ZNF547: variants seen among roughly 807,000 people sequenced by gnomAD.
ZNF547 encodes the protein zinc finger protein 547.
In ZNF547, 4 loss-of-function variants were observed where a neutral mutation model predicts 7.7. The observed-to-expected ratio is 0.52, with a 90% confidence interval of 0.26 to 1.20. ZNF547 has a LOEUF of 1.20. Ranked by LOEUF, ZNF547 falls within the 50% of genes most tolerant of loss-of-function variation. ZNF547 has a pLI of 0.14. For synonymous variants in ZNF547, 166 were observed against 166.2 expected, an observed-to-expected ratio of 1.00 and a Z score of 0.01; for missense variants, 449 against 485.8, an observed-to-expected ratio of 0.92 and a Z score of 0.71.
rs778205682 is a variant in ZNF547, at chr19:57,368,583, A to C, written c.24+4A>C. 2.5e-6 allele frequency: 4 copies of C among 1,613,890 alleles called. No individual in the cohort carries two copies. In the African/African-American group the frequency reaches 5.3e-5, roughly 22 times the overall value. On this transcript the variant is annotated splice_donor_region_variant and intron_variant, in intron 2 of 3. Coordinates refer to ENST00000282282, the MANE Select transcript of ZNF547 (RefSeq NM_173631.4). The stretch of plus-strand genomic sequence containing the variant: ...GGCAGAAATGAACCCTGCACAGGTG[A>C]GTGGAGTGTTTTCTACCTTTCACCT...
At position 57,378,992 on chromosome 19, in the gene ZNF547, T is replaced by A. The variant is rs8100747; in HGVS notation, c.*807T>A. 6.0e-6 allele frequency: 1 copy of A among 166,396 alleles called. No homozygotes were observed. The highest frequency in any genetic ancestry group is 1.3e-5 in the Non-Finnish European group (1 of 76,618). The allele number at this position is 166,396 out of a possible 1,614,324, so 10.3% of individuals were successfully genotyped here. A position where few individuals can be genotyped will look rare whatever the true frequency, so the allele number is the denominator to read the frequency against. On this transcript the variant is annotated 3_prime_UTR_variant, in exon 4 of 4. Coordinates refer to ENST00000282282, the MANE Select transcript of ZNF547 (RefSeq NM_173631.4). ...TTAGGATAATATCCTCAAAGTTCATTCATTTTTTAGCATGTGTCAGAAATT... is the reference window on the plus strand; with the variant it reads ...TTAGGATAATATCCTCAAAGTTCATACATTTTTTAGCATGTGTCAGAAATT...
chr19:57,374,004 A>T (rs1200415671), intron 3 of ZNF547, among the ~76,000 whole-genome samples: 1 of 152,010 alleles, frequency 6.6e-6, no homozygotes, highest in Non-Finnish European at 1.5e-5. Context: ...CCCAGTAGGG[A>T]GTCTGTGTGG....
At chr19:57,373,327 A>G (rs2088517792) in intron 3 of ZNF547, among the ~76,000 whole-genome samples, 1 of 152,114 alleles carries the variant, frequency 6.6e-6, no homozygotes, top group African/African-American at 2.4e-5. Flanking sequence ...CCCATGATTC[A>G]GTTCTGTCCA....
chr19:57,375,314 C>T (rs2088529193), intron 3 of ZNF547, among the ~76,000 whole-genome samples: 1 of 152,084 alleles, frequency 6.6e-6, no homozygotes, highest in African/African-American at 2.4e-5. Context: ...CGTGCCACTG[C>T]ACTCCAGCCT....
In ZNF547 at chr19:57,368,530, C is replaced by T. The variant is rs2088484870; in HGVS notation, c.-12-14C>T. 2.5e-6 allele frequency: 4 copies of T among 1,614,044 alleles called. No individual in the cohort carries two copies. Among genetic ancestry groups the T allele is most frequent in the Non-Finnish European group, 2.5e-6 (3 of 1,179,926 alleles). Reference sequence around the variant, plus strand: ...CATCGTTGCCCATTTCTCACGGTTTCCCTCTTCCTTCAGGGTCCCCTGGCG... The same window carrying T: ...CATCGTTGCCCATTTCTCACGGTTTTCCTCTTCCTTCAGGGTCCCCTGGCG... On this transcript the variant is annotated splice_polypyrimidine_tract_variant and intron_variant, in intron 1 of 3. Coordinates refer to ENST00000282282, the MANE Select transcript of ZNF547 (RefSeq NM_173631.4).
At chr19:57,375,230 A>G (rs1384523988) in intron 3 of ZNF547, among the ~76,000 whole-genome samples, 3 of 151,998 alleles carry the variant, frequency 2.0e-5, no homozygotes, top group Non-Finnish European at 4.4e-5. Context: ...GGTGCCTGTA[A>G]TCCTAGCTAC....
chr19:57,364,440 T>TCTCGGTGGTCGCTGTA, intron 1 of ZNF547: 1 of 282,546 alleles, frequency 3.5e-6, no homozygotes, highest in Non-Finnish European at 6.9e-6. Context: ...CTGGTGTAGA[T>TCTCGGTGGTCGCTGTA]TCTTCAAAAG....
intron 1 of ZNF547, chr19:57,365,450 T>C (rs1568523918): frequency 3.7e-6 from 2 of 547,854 alleles, no homozygotes; most frequent in Non-Finnish European, 6.5e-6. Context: ...TCAATTAGTA[T>C]TTCCTTGTGA....
chr19:57,368,696 T>A, intron 2 of ZNF547, 117 bp downstream of exon 2: 2 of 1,005,690 alleles, frequency 2.0e-6, no homozygotes, highest in South Asian at 2.9e-5. Context: ...CCCTCTCTTA[T>A]GTCTGAAAAG....
chr19:57,368,512 G>C (rs1375806973), intron 1 of ZNF547, 32 bp from the exon 2 acceptor site: 1 of 1,611,796 alleles, frequency 6.2e-7, no homozygotes, highest in East Asian at 2.2e-5. Flanking sequence ...TCCCATCGTT[G>C]CCCATTTCTC....
In ZNF547 at chr19:57,374,844, T is replaced by C. The variant is rs542498819; in HGVS notation, c.152-2284T>C. ...GCCTGGGCTTCATGGCCCATATTGC[T>C]AAATCAGCATTTTGATCAAAACCAT... On this transcript the variant is annotated intron_variant, in intron 3 of 3. Coordinates refer to ENST00000282282, the MANE Select transcript of ZNF547 (RefSeq NM_173631.4). Among the ~76,000 whole-genome samples the C allele has an allele frequency of 8.9e-4, 136 of 152,330 alleles. 1 individual carries two copies. The highest frequency in any genetic ancestry group is 3.1e-3 in the African/African-American group (128 of 41,574).
chr19:57,365,238 G>GA, intron 1 of ZNF547: 1 of 1,571,818 alleles, frequency 6.4e-7, no homozygotes, highest in South Asian at 1.2e-5. Context: ...TTCTTGGGAA[G>GA]AAACACCTTT....
chr19:57,373,167 G>T lies in ZNF547; in HGVS notation c.151+1259G>T, dbSNP rs114660501. 3.9e-3 allele frequency among the ~76,000 whole-genome samples: 601 copies of T among 152,318 alleles called. 7 individuals are homozygous for T. Among genetic ancestry groups the T allele is most frequent in the African/African-American group, 0.014 (571 of 41,580 alleles). ...CTGGGGAGGCCTCAGGAAACTTACA[G>T]TCATGGCGGAAGGCAAAGGAGAACT... On this transcript the variant is annotated intron_variant, in intron 3 of 3. Coordinates refer to ENST00000282282, the MANE Select transcript of ZNF547 (RefSeq NM_173631.4).
Position 57,377,662 on chromosome 19 carries a change from G to C in ZNF547, c.686G>C (p.Arg229Pro). 6.2e-7 allele frequency: 1 copy of C among 1,613,208 alleles called. No individual in the cohort carries two copies. The highest frequency in any genetic ancestry group is 8.5e-7 in the Non-Finnish European group (1 of 1,179,808). ...KAFLCKSHLV[R>P]HQTIHSGERP... ...TTTCTTTGTAAGTCTCACCTTGTTCGTCACCAGACAATCCACTCTGGAGAA... is the reference window on the plus strand; with the variant it reads ...TTTCTTTGTAAGTCTCACCTTGTTCCTCACCAGACAATCCACTCTGGAGAA... Residue 229 changes from arginine (R) to proline (P), a missense_variant, in exon 4 of 4, where the codon CGT becomes CCT. By Grantham distance (103) the Arg-to-Pro change is moderately radical (BLOSUM62 -2). Transcript: ENST00000282282.
At chr19:57,365,016 G>C in intron 1 of ZNF547, 1 of 1,612,398 alleles carries the variant, frequency 6.2e-7, no homozygotes, top group South Asian at 1.1e-5. Context: ...ACATGTACTT[G>C]AAAACTGTGG....
At chr19:57,370,296 A>G (rs955087250) in intron 2 of ZNF547, among the ~76,000 whole-genome samples, 3 of 152,152 alleles carry the variant, frequency 2.0e-5, no homozygotes, top group Admixed American at 1.3e-4. Context: ...AAGTCCTCAC[A>G]TGGTTTGGGC....
At chr19:57,375,366 C>A (rs982979845) in intron 3 of ZNF547, among the ~76,000 whole-genome samples, 2 of 151,102 alleles carry the variant, frequency 1.3e-5, no homozygotes, top group Non-Finnish European at 2.9e-5. Context: ...ATACGCGATA[C>A]TTGGCCAGGC....
chr19:57,367,186 A>G (rs984841526), intron 1 of ZNF547, among the ~76,000 whole-genome samples: 14 of 152,202 alleles, frequency 9.2e-5, no homozygotes, highest in Admixed American at 2.6e-4. Context: ...CTTTTAGGCA[A>G]TACACCAGAG....
intron 2 of ZNF547, among the ~76,000 whole-genome samples, chr19:57,370,712 G>A (rs2088499325): frequency 6.6e-6 from 1 of 152,204 alleles, no homozygotes; most frequent in Non-Finnish European, 1.5e-5. Context: ...GCTGGCAGGA[G>A]AGGATGGATC....
Sources: gnomAD v4.1 joint callset for allele counts (sites outside exome capture counted in the v4.1 genomes callset) on GRCh38, gnomAD v4.1.1 for gene constraint, MANE v1.5 for transcripts, NCBI Gene and HGNC (gene_info 2026-07-23, HGNC 2026-07-21) for gene names.